RP1: variants seen among roughly 807,000 people sequenced by gnomAD.
RP1 encodes the protein oxygen-regulated protein 1.
A neutral mutation model predicts 14.8 loss-of-function variants in RP1; 16 were observed. The observed-to-expected ratio is 1.08, with a 90% CI of 0.73 to 1.65. The LOEUF is 1.65. RP1 is among the 40% of genes most tolerant of loss of function. RP1 has a pLI of 0.00. For synonymous variants in RP1, 876 were observed against 883.6 expected, an observed-to-expected ratio of 0.99 and a Z score of 0.15; for missense variants, 2,631 against 2,535.0, an observed-to-expected ratio of 1.04 and a Z score of -0.81.
At chr8:54,661,726 T>A (rs112514257) in intron 6 of RP1, among the ~76,000 whole-genome samples, 4 of 152,282 alleles carry the variant, frequency 2.6e-5, no homozygotes, top group Non-Finnish European at 4.4e-5. Flanking sequence ...CTTCTTCTGG[T>A]ACTTCACGCC....
chr8:54,853,309 T>C (rs189945618), intron 26 of RP1, among the ~76,000 whole-genome samples: 48 of 152,184 alleles, frequency 3.2e-4, no homozygotes, highest in Admixed American at 5.9e-4. Context: ...CAGCTCGTCA[T>C]TGAGAGCAGT....
At chr8:54,723,108 C>T (rs777775152) in intron 16 of RP1, among the ~76,000 whole-genome samples, 1 of 152,194 alleles carries the variant, frequency 6.6e-6, no homozygotes, top group Non-Finnish European at 1.5e-5. Context: ...TATGCTTTCA[C>T]AGCTCTTGGA....
At chr8:54,654,965 C>T (rs987156491) in intron 5 of RP1, among the ~76,000 whole-genome samples, 2 of 152,118 alleles carry the variant, frequency 1.3e-5, no homozygotes, top group South Asian at 2.1e-4. Flanking sequence ...GCCTTTTTAA[C>T]AGGGTGATTT....
At chr8:54,631,054 A>G (rs1386732549), downstream of RP1, among the ~76,000 whole-genome samples, 1 of 152,216 alleles carries the variant, frequency 6.6e-6, no homozygotes, top group Non-Finnish European at 1.5e-5. Flanking sequence ...GGAAACTTGG[A>G]AATCTATGCC....
At chr8:54,763,418 G>A (rs916828347) in intron 22 of RP1, among the ~76,000 whole-genome samples, 4 of 152,106 alleles carry the variant, frequency 2.6e-5, no homozygotes, top group African/African-American at 4.8e-5. Context: ...CCCTACCTAG[G>A]GGAATTCTAA....
intron 24 of RP1, among the ~76,000 whole-genome samples, chr8:54,806,186 T>G (rs1483841037): frequency 6.6e-6 from 1 of 152,010 alleles, no homozygotes; most frequent in African/African-American, 2.4e-5. Context: ...GCCCAGCTAA[T>G]TTTTGTATTT....
At chr8:54,805,180 T>C (rs193176382) in intron 24 of RP1, among the ~76,000 whole-genome samples, 4 of 152,346 alleles carry the variant, frequency 2.6e-5, no homozygotes, top group Admixed American at 2.6e-4. Context: ...AGAGTTTTTA[T>C]AAACATCCCT....
intron 24 of RP1, among the ~76,000 whole-genome samples, chr8:54,824,333 A>C (rs991524248): frequency 6.6e-6 from 1 of 152,166 alleles, no homozygotes. Flanking sequence ...CCTCAAAAAA[A>C]CAAACGAGTA....
chr8:54,687,349 T>A (rs916960751), intron 12 of RP1, among the ~76,000 whole-genome samples: 3 of 152,164 alleles, frequency 2.0e-5, no homozygotes, highest in Admixed American at 6.6e-5. Flanking sequence ...CGGGGATACA[T>A]GTGCAGAACG....
chr8:54,710,669 G>T (rs1223526167), intron 15 of RP1, among the ~76,000 whole-genome samples: 1 of 152,168 alleles, frequency 6.6e-6, no homozygotes, highest in African/African-American at 2.4e-5. Context: ...GCGGAGAGGG[G>T]AGCTGGAAAA....
At chr8:54,786,573 C>T (rs926535387) in intron 24 of RP1, among the ~76,000 whole-genome samples, 1 of 152,006 alleles carries the variant, frequency 6.6e-6, no homozygotes, top group Non-Finnish European at 1.5e-5. Context: ...TATGTTTCTA[C>T]CAATGTTCGT....
At chr8:54,863,523 A>G (rs1159563186) in intron 27 of RP1, among the ~76,000 whole-genome samples, 4 of 152,158 alleles carry the variant, frequency 2.6e-5, no homozygotes, top group Non-Finnish European at 4.4e-5. Context: ...CTCCATCTGT[A>G]ATTGATTTCT....
At chr8:54,807,194 C>T (rs1423675768) in intron 24 of RP1, among the ~76,000 whole-genome samples, 1 of 152,124 alleles carries the variant, frequency 6.6e-6, no homozygotes, top group East Asian at 1.9e-4. Context: ...CTTTATGAGG[C>T]CAGGTCTGTC....
At chr8:54,656,174 G>A (rs755660312) in exon 6 of RP1, 27 of 1,535,524 alleles carry the variant, frequency 1.8e-5, no homozygotes, top group Non-Finnish European at 2.3e-5. Flanking sequence ...GAAATCTGTC[G>A]AGAATTTCCT....
At chr8:54,736,658 T>C (rs148966134) in intron 18 of RP1, among the ~76,000 whole-genome samples, 100 of 152,194 alleles carry the variant, frequency 6.6e-4, no homozygotes, top group East Asian at 2.9e-3. Flanking sequence ...TGTGAATAGC[T>C]TTAGATTATT....
At position 54,844,181 on chromosome 8, in the gene RP1, C is replaced by T. The variant is rs139249891; in HGVS notation, c.3835+6512C>T. Among the ~76,000 whole-genome samples the T allele has an allele frequency of 1.8e-4, 28 of 152,264 alleles. No individual in the cohort carries two copies. In the East Asian group the frequency reaches 5.2e-3, roughly 28 times the overall value. On this transcript the variant is annotated intron_variant, in intron 25 of 28. Coordinates refer to the RP1 transcript ENST00000637698. ...AGAGCATGGCCCCAGGATGATTTAC[C>T]AGCTGGACAGAGTTGGAAGCCCGGG...
chr8:54,688,755 C>T (rs1458928018), intron 12 of RP1, among the ~76,000 whole-genome samples: 5 of 152,122 alleles, frequency 3.3e-5, no homozygotes, highest in Non-Finnish European at 5.9e-5. Flanking sequence ...ATGATGCCTC[C>T]AGCTTTGTTC....
chr8:54,731,551 A>C (rs1218976505), intron 17 of RP1, among the ~76,000 whole-genome samples: 1 of 152,204 alleles, frequency 6.6e-6, no homozygotes. Context: ...TATTTAATTG[A>C]TAACAGTACA....
At chr8:54,829,715 G>A (rs2129400709) in intron 24 of RP1, among the ~76,000 whole-genome samples, 1 of 152,234 alleles carries the variant, frequency 6.6e-6, no homozygotes, top group South Asian at 2.1e-4. Context: ...AGAACTGACT[G>A]AACCAAGTAA....
Sources: gnomAD v4.1 joint callset for allele counts (sites outside exome capture counted in the v4.1 genomes callset) on GRCh38, gnomAD v4.1.1 for gene constraint, MANE v1.5 for transcripts, NCBI Gene and HGNC (gene_info 2026-07-23, HGNC 2026-07-21) for gene names.